Variants in FREM2 observed in about 807,000 individuals in gnomAD.
FREM2 encodes the protein FRAS1 related extracellular matrix 2.
Under a neutral mutation model 219.9 loss-of-function variants are expected in FREM2, and 119 were observed. The ratio of observed to expected loss-of-function variants is 0.54; its 90% confidence interval spans 0.47 to 0.63. FREM2 has a LOEUF of 0.63. Among genes scored for constraint, FREM2 ranks in the 30% least tolerant of loss-of-function variants. The probability of loss-of-function intolerance (pLI) is 0.00; values close to 1 mark genes in which losing one functional copy is unlikely to be tolerated. For missense variants in FREM2, 4,030 were observed against 3,993.6 expected (o/e 1.01, Z -0.25); for synonymous variants, 1,562 against 1,522.8 (o/e 1.03, Z -0.60).
intron 2 of FREM2, among the ~76,000 whole-genome samples, chr13:38,740,072 T>A (rs1872177233): frequency 1.9e-5 from 2 of 102,970 alleles, no homozygotes; most frequent in African/African-American, 7.4e-5. Flanking sequence ...GCCAAAAATT[T>A]CATATTTTAC....
At chr13:38,784,313 G>A (rs1874238654) in intron 5 of FREM2, among the ~76,000 whole-genome samples, 1 of 152,184 alleles carries the variant, frequency 6.6e-6, no homozygotes, top group African/African-American at 2.4e-5. Flanking sequence ...TTGATCTAAA[G>A]TCCATTGACA....
chr13:38,770,719 A>G (rs1873628137), intron 4 of FREM2, among the ~76,000 whole-genome samples: 3 of 115,920 alleles, frequency 2.6e-5, no homozygotes, highest in African/African-American at 6.7e-5. Flanking sequence ...AATTTCTGTC[A>G]GATTACATTT....
intron 7 of FREM2, among the ~76,000 whole-genome samples, chr13:38,848,006 C>T (rs7337847): frequency 0.26 from 39,720 of 152,082 alleles, 6,933 homozygotes; most frequent in African/African-American, 0.49. Flanking sequence ...CAGGCAACCA[C>T]ATACCTGAGT....
At chr13:38,829,993 T>C (rs995239037) in intron 6 of FREM2, among the ~76,000 whole-genome samples, 9 of 152,160 alleles carry the variant, frequency 5.9e-5, no homozygotes, top group African/African-American at 2.2e-4. Context: ...TTTAATTACA[T>C]ATATTATCTC....
At chr13:38,842,587 C>T (rs1877003649) in intron 6 of FREM2, among the ~76,000 whole-genome samples, 1 of 152,220 alleles carries the variant, frequency 6.6e-6, no homozygotes, top group African/African-American at 2.4e-5. Context: ...AAAGCTTTTA[C>T]TTCATTCAGT....
intron 2 of FREM2, among the ~76,000 whole-genome samples, chr13:38,747,395 A>ATGTGTGTGTGTGTGTG (rs71917471): frequency 1.3e-3 from 180 of 142,988 alleles, no homozygotes; most frequent in African/African-American, 4.6e-3. Flanking sequence ...CTGATATAAT[A>ATGTGTGTGTGTGTGTG]TGTGTGTGTG....
chr13:38,764,893 A>G (rs146321729), intron 3 of FREM2, among the ~76,000 whole-genome samples: 1 of 152,192 alleles, frequency 6.6e-6, no homozygotes, highest in African/African-American at 2.4e-5. Flanking sequence ...CCTTTTTTCA[A>G]CTCCAATTCA....
chr13:38,717,390 C>G (rs2442362), intron 2 of FREM2, among the ~76,000 whole-genome samples: 1 of 147,480 alleles, frequency 6.8e-6, no homozygotes, highest in African/African-American at 2.5e-5. Flanking sequence ...GGATGCAGTC[C>G]GATTAGAATT....
rs80021567 is a variant in FREM2 at position 38,797,247 on chromosome 13, C to T, written c.6019+12439C>T. On this transcript the variant is annotated intron_variant, in intron 6 of 23. Coordinates refer to ENST00000280481, the MANE Select transcript of FREM2 (RefSeq NM_207361.6). ...AAGAGGGTGTGAGTTCTCTTTTGTC[C>T]GCATCCTCACCTGCTTCTGTTATTT... Among the ~76,000 whole-genome samples, 1,156 of 151,534 alleles carry T rather than the reference C, an allele frequency of 7.6e-3. 6 individuals carry two copies. The highest frequency in any genetic ancestry group is 0.011 in the Admixed American group (168 of 15,188).
In FREM2 at chr13:38,690,080, T is replaced by C. The variant is rs754766389; in HGVS notation, c.2736T>C (p.Asp912=). The change falls in exon 1 of 24, where the codon GAT becomes GAC. Residue 912 remains aspartate, a synonymous_variant. Transcript: ENST00000280481. ...YAHNGDKSLT[D]SCSLEVSDRH... The stretch of plus-strand genomic sequence containing the variant: ...ATAATGGGGACAAGTCCCTGACTGA[T>C]AGCTGCTCCTTGGAAGTCAGTGACA... 7 of 1,614,044 alleles carry C rather than the reference T, an allele frequency of 4.3e-6. No individual in the cohort carries two copies. The highest frequency in any genetic ancestry group is 5.9e-6 in the Non-Finnish European group (7 of 1,180,010).
chr13:38,788,307 A>G (rs550469583), intron 6 of FREM2, among the ~76,000 whole-genome samples: 1 of 152,274 alleles, frequency 6.6e-6, no homozygotes, highest in African/African-American at 2.4e-5. Context: ...TCACCCTGAG[A>G]GTAAAGTTGC....
Position 38,884,787 on chromosome 13 carries a change from G to C in FREM2, c.*4000G>C, listed in dbSNP as rs1878673070. 6.6e-6 allele frequency: 1 copy of C among 151,952 alleles called. No homozygotes were observed. Among genetic ancestry groups the C allele is most frequent in the South Asian group, 2.1e-4 (1 of 4,822 alleles). 9.4% of individuals were successfully genotyped at this position (151,952 alleles called of 1,614,324 possible). On this transcript the variant is annotated 3_prime_UTR_variant, in exon 24 of 24. Transcript: ENST00000280481. ...TCACAGCCACACATACACACACACAGACATAAAATAACCAAACATCTCATT... is the reference window on the plus strand; with the variant it reads ...TCACAGCCACACATACACACACACACACATAAAATAACCAAACATCTCATT...
chr13:38,797,637 TTC>T (rs1324719650), intron 6 of FREM2, among the ~76,000 whole-genome samples: 3 of 152,164 alleles, frequency 2.0e-5, no homozygotes, highest in Admixed American at 6.6e-5. Flanking sequence ...CTATTTTCAT[TTC>T]TCTCTCTGTG....
At chr13:38,717,787 C>A (rs1161076905) in intron 2 of FREM2, among the ~76,000 whole-genome samples, 5 of 152,124 alleles carry the variant, frequency 3.3e-5, no homozygotes, top group Non-Finnish European at 7.4e-5. Context: ...TAAGTTCCCA[C>A]GATTCAAGCT....
intron 2 of FREM2, among the ~76,000 whole-genome samples, chr13:38,706,391 A>T (rs1870540271): frequency 6.6e-6 from 1 of 152,218 alleles, no homozygotes; most frequent in Non-Finnish European, 1.5e-5. Flanking sequence ...CAGTGGCCAG[A>T]TGCCCCATTT....
intron 4 of FREM2, among the ~76,000 whole-genome samples, chr13:38,770,876 AAAAG>A (rs1307896021): frequency 6.6e-6 from 1 of 152,226 alleles, no homozygotes; most frequent in African/African-American, 2.4e-5. Flanking sequence ...AAAAAAAAGA[AAAAG>A]AAAAAAGATT....
rs751996088 is a variant in FREM2, at chr13:38,691,610, T to C, written c.4266T>C (p.Pro1422=). 6.8e-6 allele frequency: 11 copies of C among 1,614,058 alleles called. No homozygotes were observed. Among genetic ancestry groups the C allele is most frequent in the Admixed American group, 3.3e-5 (2 of 60,006 alleles). ...TCGGGAGCATTGACATTGTCTTCCC[T>C]GATGTGATAAGTAAGGGAGTGTCCT... is the stretch of plus-strand genomic sequence containing the variant. ...VSIGSIDIVF[P]DVISKGVSLK... The change falls in exon 1 of 24, where the codon CCT becomes CCC. Residue 1422 remains proline, a synonymous_variant. Transcript: ENST00000280481.
At chr13:38,851,356 C>G (rs1279820513) in intron 10 of FREM2, among the ~76,000 whole-genome samples, 1 of 152,226 alleles carries the variant, frequency 6.6e-6, no homozygotes, top group Admixed American at 6.5e-5. Context: ...TACTGGCCCT[C>G]TACTCTATAC....
chr13:38,870,292 A>G (rs1193825688), intron 16 of FREM2, among the ~76,000 whole-genome samples: 1 of 152,188 alleles, frequency 6.6e-6, no homozygotes, highest in Non-Finnish European at 1.5e-5. Flanking sequence ...GTGTAGCAGA[A>G]TAAATTTGAC....
Sources: gnomAD v4.1 joint callset for allele counts (sites outside exome capture counted in the v4.1 genomes callset) on GRCh38, gnomAD v4.1.1 for gene constraint, MANE v1.5 for transcripts, NCBI Gene and HGNC (gene_info 2026-07-23, HGNC 2026-07-21) for gene names.